The following EXOC2 variants were observed in gnomAD, a reference collection of about 807,000 sequenced individuals.
The protein encoded by EXOC2 is exocyst complex component 2.
EXOC2 carries 70 observed loss-of-function variants against 131.8 expected under a neutral mutation model. The ratio of observed to expected loss-of-function variants is 0.53; its 90% CI spans 0.44 to 0.65. The LOEUF (loss-of-function observed/expected upper bound fraction) is 0.65, where lower values mean the gene tolerates loss of function less well. Among genes scored for constraint, EXOC2 ranks in the 30% least tolerant of loss-of-function variants. The pLI is 0.00. For missense variants in EXOC2, 923 were observed against 1,108.6 expected (o/e 0.83, Z 2.38); for synonymous variants, 411 against 398.4 (o/e 1.03, Z -0.38).
chr6:549,264 T>C lies in EXOC2; in HGVS notation c.2149A>G (p.Asn717Asp). 1 of 1,614,134 alleles carries C rather than the reference T, an allele frequency of 6.2e-7. No homozygotes were observed. Among genetic ancestry groups the C allele is most frequent in the Non-Finnish European group, 8.5e-7 (1 of 1,179,952 alleles). ...GTGTGACGTTCTAGATAGCAGCAAT[T>C]ACTTAGGACTATCAAAAGGCGCTGT... is the stretch of plus-strand genomic sequence containing the variant. ...SEQRLLIVLS[N>D]CCYLERHTFL... The change falls in exon 22 of 28, where the codon AAT becomes GAT. Residue 717 changes from asparagine to aspartate, a missense_variant. Physicochemically the swap from Asn to Asp is conservative, Grantham distance 23. Coordinates refer to ENST00000230449, the MANE Select transcript of EXOC2 (RefSeq NM_018303.6).
chr6:627,069 T>C (rs1057374334), intron 4 of EXOC2, among the ~76,000 whole-genome samples: 1 of 152,122 alleles, frequency 6.6e-6, no homozygotes, highest in Non-Finnish European at 1.5e-5. Context: ...CTGAGTACAA[T>C]ACCATCCTCT....
chr6:518,639 A>C (rs1046459466), intron 23 of EXOC2, among the ~76,000 whole-genome samples: 7 of 152,226 alleles, frequency 4.6e-5, no homozygotes, highest in Admixed American at 2.0e-4. Flanking sequence ...CTATAACCAA[A>C]TGCCTAAAGC....
At chr6:665,024 C>T (rs1241225232) in intron 1 of EXOC2, among the ~76,000 whole-genome samples, 2 of 152,064 alleles carry the variant, frequency 1.3e-5, no homozygotes, top group Non-Finnish European at 2.9e-5. Context: ...AAAATCTTCA[C>T]AATCTATACA....
intron 24 of EXOC2, 55 bp downstream of exon 24, chr6:499,589 CT>C (rs1324679098): frequency 6.9e-7 from 1 of 1,447,698 alleles, no homozygotes; most frequent in Admixed American, 1.9e-5. Flanking sequence ...TTACATCTTT[CT>C]TTTTTCTTTT....
chr6:654,742 T>TGCA (rs1196049601), intron 1 of EXOC2, among the ~76,000 whole-genome samples: 1 of 134,292 alleles, frequency 7.4e-6, no homozygotes, highest in African/African-American at 2.8e-5. Flanking sequence ...AGTTTGAAGC[T>TGCA]GCAGTGAGCC....
chr6:555,122 T>TC, intron 20 of EXOC2, 105 bp downstream of exon 20: 1 of 531,728 alleles, frequency 1.9e-6, no homozygotes, highest in Non-Finnish European at 3.1e-6. Context: ...GAACAATCTT[T>TC]CTTTCTTACT....
intron 10 of EXOC2, among the ~76,000 whole-genome samples, chr6:594,224 G>C (rs1022007048): frequency 6.6e-6 from 1 of 152,158 alleles, no homozygotes; most frequent in Non-Finnish European, 1.5e-5. Flanking sequence ...TTGGCACAGG[G>C]GATTCATTTC....
rs1762992755 is a variant in EXOC2, at chr6:485,432, A to G, written c.*1239T>C. Reference sequence around the variant, plus strand: ...GTACATGGCTACACTGTGCTCTAAAATTACTTGCATTAATGAGGACATTAA... The same window carrying G: ...GTACATGGCTACACTGTGCTCTAAAGTTACTTGCATTAATGAGGACATTAA... On this transcript the variant is annotated 3_prime_UTR_variant, in exon 28 of 28. Coordinates refer to ENST00000230449, the MANE Select transcript of EXOC2 (RefSeq NM_018303.6). The G allele has an allele frequency of 6.6e-6, 1 of 152,236 alleles. No individual in the cohort carries two copies. The highest frequency in any genetic ancestry group is 1.5e-5 in the Non-Finnish European group (1 of 68,046). 9.4% of individuals were successfully genotyped at this position (152,236 alleles called of 1,614,324 possible).
chr6:656,179 C>G (rs776657842), intron 1 of EXOC2: 1 of 1,614,106 alleles, frequency 6.2e-7, no homozygotes, highest in East Asian at 2.2e-5. Flanking sequence ...AGAGTATTGT[C>G]CCAAATATTG....
intron 1 of EXOC2, among the ~76,000 whole-genome samples, chr6:641,979 T>TC (rs1184489320): frequency 6.6e-6 from 1 of 152,098 alleles, no homozygotes; most frequent in Non-Finnish European, 1.5e-5. Flanking sequence ...GCCCACAACC[T>TC]CCTCCACATC....
chr6:683,348 G>T (rs917212357), intron 1 of EXOC2, among the ~76,000 whole-genome samples: 1 of 152,208 alleles, frequency 6.6e-6, no homozygotes, highest in Non-Finnish European at 1.5e-5. Context: ...TCAGGAATGA[G>T]AGAGGAACAA....
chr6:505,196 C>T (rs1048067629), intron 23 of EXOC2, among the ~76,000 whole-genome samples: 2 of 152,004 alleles, frequency 1.3e-5, no homozygotes, highest in Admixed American at 6.6e-5. Flanking sequence ...GAACTGGAAA[C>T]GTTTGTCCTT....
At chr6:507,344 C>CA (rs879464763) in intron 23 of EXOC2, among the ~76,000 whole-genome samples, 619 of 10,318 alleles carry the variant, frequency 0.06, 36 homozygotes, top group Middle Eastern at 0.17. Context: ...CCCACACACA[C>CA]CACAGCAGTG....
At chr6:587,190 G>A (rs111966366) in intron 11 of EXOC2, among the ~76,000 whole-genome samples, 336 of 151,610 alleles carry the variant, frequency 2.2e-3, no homozygotes, top group Admixed American at 4.0e-3. Flanking sequence ...ATAAACACAC[G>A]CACACATACA....
At chr6:515,649 C>T (rs1473889517) in intron 23 of EXOC2, among the ~76,000 whole-genome samples, 1 of 150,934 alleles carries the variant, frequency 6.6e-6, no homozygotes, top group Non-Finnish European at 1.5e-5. Context: ...GAGACGCACA[C>T]AGCTGGGGCG....
intron 1 of EXOC2, among the ~76,000 whole-genome samples, chr6:655,453 G>A (rs1263201136): frequency 1.3e-5 from 2 of 152,102 alleles, no homozygotes; most frequent in African/African-American, 2.4e-5. Flanking sequence ...TTTGCTTTTT[G>A]CAGTGGTCTG....
chr6:581,253 A>G (rs1190336402), intron 11 of EXOC2, among the ~76,000 whole-genome samples: 1 of 151,690 alleles, frequency 6.6e-6, no homozygotes, highest in Non-Finnish European at 1.5e-5. Context: ...CCAAGATCAC[A>G]TCACCGCACT....
chr6:664,543 A>G (rs1037309152), intron 1 of EXOC2, among the ~76,000 whole-genome samples: 2 of 152,232 alleles, frequency 1.3e-5, no homozygotes, highest in South Asian at 2.1e-4. Flanking sequence ...AAACTATACT[A>G]TAAGGCCATA....
At chr6:636,948 G>A (rs1762130298) in intron 2 of EXOC2, among the ~76,000 whole-genome samples, 1 of 152,146 alleles carries the variant, frequency 6.6e-6, no homozygotes, top group Non-Finnish European at 1.5e-5. Context: ...TACGTTTAAA[G>A]TTCTAGAGAG....
Sources: gnomAD v4.1 joint callset for allele counts (sites outside exome capture counted in the v4.1 genomes callset) on GRCh38, gnomAD v4.1.1 for gene constraint, MANE v1.5 for transcripts, NCBI Gene and HGNC (gene_info 2026-07-23, HGNC 2026-07-21) for gene names.